TEX15: variants seen among roughly 807,000 people sequenced by gnomAD.
TEX15 encodes the protein testis-expressed protein 15.
A neutral mutation model predicts 237.3 loss-of-function variants in TEX15; 171 were observed. That is an observed-to-expected ratio of 0.72 (90% CI 0.64 to 0.82). The LOEUF is 0.82. Among genes scored for constraint, TEX15 ranks in the 40% least tolerant of loss-of-function variants. The probability of loss-of-function intolerance (pLI) is 0.00; values close to 1 mark genes in which losing one functional copy is unlikely to be tolerated. For missense variants in TEX15, 3,750 were observed against 3,646.5 expected (o/e 1.03, Z -0.73); for synonymous variants, 1,338 against 1,269.8 (o/e 1.05, Z -1.14).
At position 30,844,438 on chromosome 8, in the gene TEX15, G is replaced by A. The variant is rs780359974; in HGVS notation, c.5729C>T (p.Pro1910Leu). The change falls in exon 8 of 11, where the codon CCT (proline) becomes CTT (leucine). Residue 1910 changes from proline to leucine, a missense_variant. Physicochemically the swap from Pro to Leu is moderately conservative, Grantham distance 98 (BLOSUM62 -3). Coordinates refer to ENST00000643185, the MANE Select transcript of TEX15 (RefSeq NM_001350162.2). ...STKNTTTESV[P>L]LKNTVSNPLN... is the part of the protein sequence containing the mutation. Reference sequence around the variant, plus strand: ...CGGATTAGAAACTGTGTTCTTCAAAGGGACTGACTCAGTGGTAGTATTTTT... The same window carrying A: ...CGGATTAGAAACTGTGTTCTTCAAAAGGACTGACTCAGTGGTAGTATTTTT... The A allele has an allele frequency of 1.2e-6, 2 of 1,612,494 alleles. No individual in the cohort carries two copies. Among genetic ancestry groups the A allele is most frequent in the South Asian group, 2.2e-5 (2 of 90,748 alleles).
chr8:30,846,265 T>C lies in TEX15; in HGVS notation c.3902A>G (p.Lys1301Arg), dbSNP rs1462058172. Residue 1301 changes from lysine to arginine, a missense_variant, in exon 8 of 11, where the codon AAA becomes AGA. By Grantham distance (26) the Lys-to-Arg change is conservative (BLOSUM62 2). Coordinates refer to ENST00000643185, the MANE Select transcript of TEX15 (RefSeq NM_001350162.2). ...CCTGGAAGATATATGTAGCTTCCTT[T>C]TGCTAATTCTTGATTCTACCTCCTT... ...NKKEVESRIS[K>R]RKLHISSRDQ... 11 of 1,613,504 alleles carry C rather than the reference T, an allele frequency of 6.8e-6. No individual in the cohort carries two copies. Among genetic ancestry groups the C allele is most frequent in the Non-Finnish European group, 7.6e-6 (9 of 1,179,688 alleles).
At chr8:30,882,436 G>A (rs1221627501) in intron 3 of TEX15, among the ~76,000 whole-genome samples, 2 of 152,100 alleles carry the variant, frequency 1.3e-5, no homozygotes, top group South Asian at 2.1e-4. Flanking sequence ...ACAGGCGGCC[G>A]CCACCATGCC....
chr8:30,909,639 T>C (rs1181998904), intron 1 of TEX15, among the ~76,000 whole-genome samples: 2 of 152,184 alleles, frequency 1.3e-5, no homozygotes, highest in Admixed American at 6.5e-5. Context: ...CTTTGTGAAA[T>C]AGAGCTATTT....
At chr8:30,890,257 G>C (rs1284418657) in intron 2 of TEX15, among the ~76,000 whole-genome samples, 1 of 151,742 alleles carries the variant, frequency 6.6e-6, no homozygotes, top group African/African-American at 2.4e-5. Flanking sequence ...TGTATGTTAT[G>C]AACAACTTTA....
At chr8:30,836,101 TTCTA>T (rs1807285385) in intron 10 of TEX15, among the ~76,000 whole-genome samples, 1 of 152,136 alleles carries the variant, frequency 6.6e-6, no homozygotes, top group South Asian at 2.1e-4. Context: ...ATTTCAGTAT[TTCTA>T]TCTATTTCCA....
At chr8:30,883,864 C>T (rs1032378274) in intron 3 of TEX15, among the ~76,000 whole-genome samples, 8 of 152,000 alleles carry the variant, frequency 5.3e-5, no homozygotes, top group Admixed American at 5.2e-4. Flanking sequence ...GGGTATATAC[C>T]CAGTAATCGG....
chr8:30,895,104 C>T (rs1808871445), intron 2 of TEX15, among the ~76,000 whole-genome samples: 2 of 151,950 alleles, frequency 1.3e-5, no homozygotes, highest in South Asian at 2.1e-4. Context: ...TTTAGAAGAT[C>T]TCCTATAGGT....
At chr8:30,884,541 T>G (rs1234557979) in intron 3 of TEX15, among the ~76,000 whole-genome samples, 1 of 152,224 alleles carries the variant, frequency 6.6e-6, no homozygotes, top group Non-Finnish European at 1.5e-5. Flanking sequence ...AGATCATATA[T>G]TTCTTCTTGT....
At chr8:30,861,287 A>C (rs1002574989) in intron 5 of TEX15, among the ~76,000 whole-genome samples, 1 of 152,180 alleles carries the variant, frequency 6.6e-6, no homozygotes, top group African/African-American at 2.4e-5. Flanking sequence ...TCAATCTCAA[A>C]GTGACAACTG....
intron 3 of TEX15, among the ~76,000 whole-genome samples, chr8:30,876,214 G>A (rs529076201): frequency 6.6e-6 from 1 of 152,118 alleles, no homozygotes; most frequent in Non-Finnish European, 1.5e-5. Flanking sequence ...TTGAAAACTT[G>A]TTCTTCCATT....
chr8:30,887,990 A>G (rs1296270267), intron 2 of TEX15, among the ~76,000 whole-genome samples: 1 of 148,592 alleles, frequency 6.7e-6, no homozygotes, highest in Non-Finnish European at 1.5e-5. Flanking sequence ...TAGGTAACCA[A>G]AAGTCTCCCT....
chr8:30,833,942 A>G (rs1211991887), intron 10 of TEX15, among the ~76,000 whole-genome samples: 2 of 152,182 alleles, frequency 1.3e-5, no homozygotes, highest in Non-Finnish European at 2.9e-5. Flanking sequence ...ATCTTTTTTA[A>G]TATCACAAAT....
At chr8:30,871,518 A>G (rs1808290825) in intron 4 of TEX15, among the ~76,000 whole-genome samples, 1 of 152,116 alleles carries the variant, frequency 6.6e-6, no homozygotes. Context: ...ATGGTTGTTT[A>G]AAAATAACGA....
intron 4 of TEX15, among the ~76,000 whole-genome samples, chr8:30,869,211 C>T (rs536490474): frequency 2.0e-5 from 3 of 151,954 alleles, no homozygotes; most frequent in South Asian, 2.1e-4. Context: ...ATCTAAATCA[C>T]GATTTTAAAT....
At chr8:30,856,389 A>C (rs905085431) in intron 7 of TEX15, among the ~76,000 whole-genome samples, 7 of 151,856 alleles carry the variant, frequency 4.6e-5, no homozygotes, top group African/African-American at 1.2e-4. Context: ...CCCTGTCTCT[A>C]CAAAAAAAAA....
At chr8:30,860,268 AGC>A (rs1808017574) in intron 5 of TEX15, among the ~76,000 whole-genome samples, 1 of 151,594 alleles carries the variant, frequency 6.6e-6, no homozygotes, top group Non-Finnish European at 1.5e-5. Flanking sequence ...ACTACAGGTA[AGC>A]ACCACCGTGC....
chr8:30,836,134 T>C (rs1352571738), intron 10 of TEX15, among the ~76,000 whole-genome samples: 3 of 151,136 alleles, frequency 2.0e-5, no homozygotes, highest in Admixed American at 6.6e-5. Context: ...TAGGTAAGTT[T>C]ACATGATATA....
In TEX15 at chr8:30,842,935, T is replaced by C. The variant is rs1364141367; in HGVS notation, c.7232A>G (p.Asn2411Ser). ...LKKYFQMLQDNNMDNIFITEE... is the reference protein window; with the variant it reads ...LKKYFQMLQDSNMDNIFITEE... ...TGTGATAAAAATATTATCCATGTTATTATCTTGTAGCATCTGAAAGTATTT... is the reference window on the plus strand; with the variant it reads ...TGTGATAAAAATATTATCCATGTTACTATCTTGTAGCATCTGAAAGTATTT... Residue 2411 changes from asparagine (N) to serine (S), a missense_variant, in exon 8 of 11, where the codon AAT (asparagine) becomes AGT (serine). Asn to Ser is a conservative substitution (Grantham distance 46). Coordinates refer to ENST00000643185, the MANE Select transcript of TEX15 (RefSeq NM_001350162.2). 17 of 1,610,394 alleles carry C rather than the reference T, an allele frequency of 1.1e-5. No homozygotes were observed. The highest frequency in any genetic ancestry group is 3.4e-5 in the Admixed American group (2 of 59,612).
chr8:30,842,811 T>C lies in TEX15; in HGVS notation c.7356A>G (p.Ser2452=). Residue 2452 remains serine (S), a synonymous_variant, in exon 8 of 11, where the codon TCA becomes TCG. Transcript: ENST00000643185. ...AGTTTTTAAGAAAGTGAATTGTTTC[T>C]GAGACCATGACGATTTCAATATACA... ...IEMYIEIVMV[S]ETIHFLKNSI... 6.2e-7 allele frequency: 1 copy of C among 1,613,330 alleles called. No homozygotes were observed. Among genetic ancestry groups the C allele is most frequent in the Non-Finnish European group, 8.5e-7 (1 of 1,179,546 alleles).
Sources: allele counts gnomAD v4.1 joint callset (sites outside exome capture counted in the v4.1 genomes callset), GRCh38; gene constraint gnomAD v4.1.1; transcripts MANE v1.5; gene names NCBI Gene and HGNC (gene_info 2026-07-23, HGNC 2026-07-21).